Variants in GALNT18 observed in about 807,000 individuals in gnomAD.
GALNT18 encodes the protein GalNAc-transferase 18.
GALNT18 carries 44 observed loss-of-function variants against 69.5 expected under a neutral mutation model. The ratio of observed to expected loss-of-function variants is 0.63; its 90% CI spans 0.50 to 0.81. The LOEUF is 0.81. Among genes scored for constraint, GALNT18 ranks in the 40% least tolerant of loss-of-function variants. The pLI is 0.00. For missense variants in GALNT18, 715 were observed against 810.0 expected, an observed-to-expected ratio of 0.88 and a Z score of 1.42; for synonymous variants, 364 against 318.2, an observed-to-expected ratio of 1.14 and a Z score of -1.53.
At chr11:11,545,173 C>T (rs753881803) in intron 1 of GALNT18, among the ~76,000 whole-genome samples, 2 of 152,202 alleles carry the variant, frequency 1.3e-5, no homozygotes, top group Admixed American at 6.5e-5. Context: ...GAATAGCAGG[C>T]CTCAATGCCA....
intron 10 of GALNT18, among the ~76,000 whole-genome samples, chr11:11,291,895 G>A (rs1849306963): frequency 6.6e-6 from 1 of 152,150 alleles, no homozygotes; most frequent in African/African-American, 2.4e-5. Flanking sequence ...AGTCAAAGGT[G>A]CCCTATGCCC....
chr11:11,369,152 C>A (rs544329940), intron 6 of GALNT18, among the ~76,000 whole-genome samples: 1 of 152,334 alleles, frequency 6.6e-6, no homozygotes, highest in Non-Finnish European at 1.5e-5. Context: ...CAGGTTCCAA[C>A]TTTGGCTTAC....
chr11:11,554,025 G>C (rs1172106678), intron 1 of GALNT18, among the ~76,000 whole-genome samples: 1 of 152,064 alleles, frequency 6.6e-6, no homozygotes, highest in African/African-American at 2.4e-5. Flanking sequence ...GCAGCACTTC[G>C]TAACTACAAA....
rs1401550109 is a variant in GALNT18, at chr11:11,540,304, T to G, written c.235+81055A>C. On this transcript the variant is annotated intron_variant, in intron 1 of 10. Coordinates refer to ENST00000227756, the MANE Select transcript of GALNT18 (RefSeq NM_198516.3). This position sits in a 1 kb window ranked among gnomAD's most constrained non-coding sequence, Gnocchi z 4.6. ...GGCCCTGGAAGGTGCAGGATAAATG[T>G]TTTTCTTCGTCGTTGCCATGGAAAC... 6.6e-6 allele frequency among the ~76,000 whole-genome samples: 1 copy of G among 152,116 alleles called. No homozygotes were observed. The highest frequency in any genetic ancestry group is 1.5e-5 in the Non-Finnish European group (1 of 68,024).
At position 11,605,441 on chromosome 11, in the gene GALNT18, G is replaced by T. The variant is rs190717170; in HGVS notation, c.235+15918C>A. On this transcript the variant is annotated intron_variant, in intron 1 of 10. Coordinates refer to ENST00000227756, the MANE Select transcript of GALNT18 (RefSeq NM_198516.3). This position sits in a 1 kb window ranked among gnomAD's most constrained non-coding sequence, Gnocchi z 4.7. Reference sequence around the variant, plus strand: ...ACAGCAAGTCCTAACTTGCCAGGCCGCCAGTCACCGCCACCCTGAAGACAC... The same window carrying T: ...ACAGCAAGTCCTAACTTGCCAGGCCTCCAGTCACCGCCACCCTGAAGACAC... Among the ~76,000 whole-genome samples, 4 of 152,102 alleles carry T rather than the reference G, an allele frequency of 2.6e-5. No homozygotes were observed. The highest frequency in any genetic ancestry group is 4.4e-5 in the Non-Finnish European group (3 of 68,016).
intron 1 of GALNT18, among the ~76,000 whole-genome samples, chr11:11,566,824 C>T (rs1199955309): frequency 6.6e-6 from 1 of 152,214 alleles, no homozygotes; most frequent in Non-Finnish European, 1.5e-5. Context: ...CCCTTCCATT[C>T]TTCAGACCCC....
At chr11:11,336,652 A>G (rs538849536) in intron 7 of GALNT18, among the ~76,000 whole-genome samples, 12 of 152,208 alleles carry the variant, frequency 7.9e-5, no homozygotes, top group Admixed American at 2.6e-4. Context: ...ATTGGGGCAT[A>G]GCTATCTCAG....
rs1859355240 is a variant in GALNT18 at position 11,591,249 on chromosome 11, T to C, written c.235+30110A>G. Among the ~76,000 whole-genome samples the C allele has an allele frequency of 6.6e-6, 1 of 152,020 alleles. No homozygotes were observed. Among genetic ancestry groups the C allele is most frequent in the African/African-American group, 2.4e-5 (1 of 41,376 alleles). On this transcript the variant is annotated intron_variant, in intron 1 of 10. Transcript: ENST00000227756. The surrounding 1 kb of genome is among the most constrained non-coding windows in gnomAD (Gnocchi z 4.8). ...TAAGGCTTAAAAGCTAAGACACACATACACACATTATTAGGCAATATTATC... is the reference window on the plus strand; with the variant it reads ...TAAGGCTTAAAAGCTAAGACACACACACACACATTATTAGGCAATATTATC...
At chr11:11,331,800 C>T (rs78756526) in intron 8 of GALNT18, among the ~76,000 whole-genome samples, 1,683 of 152,066 alleles carry the variant, frequency 0.011, 9 homozygotes, top group Non-Finnish European at 0.018. Context: ...TTTGTCATGG[C>T]AAAAGTTTAT....
Position 11,520,208 on chromosome 11 carries a change from A to C in GALNT18, c.236-71272T>G, listed in dbSNP as rs74392039. Among the ~76,000 whole-genome samples the C allele has an allele frequency of 2.2e-3, 330 of 152,328 alleles. 4 individuals carry two copies. Among genetic ancestry groups the C allele is most frequent in the African/African-American group, 7.7e-3 (321 of 41,582 alleles). On this transcript the variant is annotated intron_variant, in intron 1 of 10. Coordinates refer to ENST00000227756, the MANE Select transcript of GALNT18 (RefSeq NM_198516.3). ...GGCTTTACAGAGATTTCCCCCATTTAATCCTCAAAAGAACACCATGAGGGA... is the reference window on the plus strand; with the variant it reads ...GGCTTTACAGAGATTTCCCCCATTTCATCCTCAAAAGAACACCATGAGGGA...
At chr11:11,462,841 C>G (rs1163656599) in intron 1 of GALNT18, among the ~76,000 whole-genome samples, 1 of 152,162 alleles carries the variant, frequency 6.6e-6, no homozygotes, top group African/African-American at 2.4e-5. Context: ...CTGCTCAGTG[C>G]TCCCTCCACC....
chr11:11,425,017 A>C (rs1427113877), intron 3 of GALNT18, among the ~76,000 whole-genome samples: 1 of 152,144 alleles, frequency 6.6e-6, no homozygotes, highest in Non-Finnish European at 1.5e-5. Context: ...CCAGGGCCCT[A>C]GCTCAGCTCT....
rs1859341450 is a variant in GALNT18 at position 11,590,904 on chromosome 11, A to G, written c.235+30455T>C. Among the ~76,000 whole-genome samples the G allele has an allele frequency of 6.6e-6, 1 of 150,522 alleles. No individual in the cohort carries two copies. The highest frequency in any genetic ancestry group is 1.5e-5 in the Non-Finnish European group (1 of 67,730). ...CAGTACATAATCATTGATAATGATG[A>G]TCAACAACTATGTTACTGGTTTATG... is the stretch of plus-strand genomic sequence containing the variant. On this transcript the variant is annotated intron_variant, in intron 1 of 10. Coordinates refer to ENST00000227756, the MANE Select transcript of GALNT18 (RefSeq NM_198516.3). This position sits in a 1 kb window ranked among gnomAD's most constrained non-coding sequence, Gnocchi z 4.4.
At chr11:11,515,054 A>G (rs4077733) in intron 1 of GALNT18, among the ~76,000 whole-genome samples, 44,040 of 152,134 alleles carry the variant, frequency 0.29, 6,771 homozygotes, top group Middle Eastern at 0.4. Flanking sequence ...CCAGATCCAG[A>G]GCCCGCATTC....
At chr11:11,487,097 T>C (rs902709775) in intron 1 of GALNT18, among the ~76,000 whole-genome samples, 18 of 152,324 alleles carry the variant, frequency 1.2e-4, no homozygotes, top group Middle Eastern at 3.4e-3. Flanking sequence ...CATAAGCTAC[T>C]CAATTAATGC....
rs1783150604 is a variant in GALNT18 at position 11,318,298 on chromosome 11, T to C, written c.1512+8788A>G. 6.6e-6 allele frequency among the ~76,000 whole-genome samples: 1 copy of C among 152,132 alleles called. No homozygotes were observed. The highest frequency in any genetic ancestry group is 2.1e-4 in the South Asian group (1 of 4,822). ...AATGTAATCTTATTTGGAAATAGAG[T>C]CATTGCAGATATAATTAAATTTGCA... On this transcript the variant is annotated intron_variant, in intron 9 of 10. Transcript: ENST00000227756. The surrounding 1 kb of genome is among the most constrained non-coding windows in gnomAD (Gnocchi z 5.1).
rs930207829 is a variant in GALNT18 at position 11,602,794 on chromosome 11, G to C, written c.235+18565C>G. On this transcript the variant is annotated intron_variant, in intron 1 of 10. Transcript: ENST00000227756. This position sits in a 1 kb window ranked among gnomAD's most constrained non-coding sequence, Gnocchi z 4.7. ...AGAGAGAATCATTTAGAGAACAGCT[G>C]GCTCTATTGATCAGTGCTCTGTTTA... 1.3e-5 allele frequency among the ~76,000 whole-genome samples: 2 copies of C among 152,104 alleles called. No homozygotes were observed. The highest frequency in any genetic ancestry group is 2.9e-5 in the Non-Finnish European group (2 of 68,032).
At chr11:11,527,180 C>A (rs571438690) in intron 1 of GALNT18, among the ~76,000 whole-genome samples, 11 of 152,270 alleles carry the variant, frequency 7.2e-5, no homozygotes, top group African/African-American at 2.6e-4. Flanking sequence ...CAACCCCTGT[C>A]CCCTGCCAAC....
At chr11:11,525,174 T>C (rs995243844) in intron 1 of GALNT18, among the ~76,000 whole-genome samples, 8 of 151,266 alleles carry the variant, frequency 5.3e-5, no homozygotes, top group South Asian at 2.1e-4. Context: ...GGAGGAGAGG[T>C]AGGAAAAACA....
Sources: allele counts gnomAD v4.1 joint callset (sites outside exome capture counted in the v4.1 genomes callset), GRCh38; gene constraint gnomAD v4.1.1; non-coding constraint Gnocchi (gnomAD v3.1); transcripts MANE v1.5; gene names NCBI Gene and HGNC (gene_info 2026-07-23, HGNC 2026-07-21).